The following COPZ1 variants were observed in gnomAD, a reference collection of about 807,000 sequenced individuals.
COPZ1 encodes coatomer subunit zeta-1.
In COPZ1, 4 loss-of-function variants were observed where a neutral mutation model predicts 31.7. The observed-to-expected ratio is 0.13, with a 90% CI of 0.06 to 0.29. COPZ1 has a LOEUF of 0.29. COPZ1 is among the 10% of genes least tolerant of loss of function. The pLI is 1.00. For synonymous variants in COPZ1, 74 were observed against 79.0 expected (o/e 0.94, Z 0.33); for missense variants, 156 against 211.5 (o/e 0.74, Z 1.63).
intron 3 of COPZ1, among the ~76,000 whole-genome samples, chr12:54,343,023 A>G (rs1398315870): frequency 6.6e-6 from 1 of 151,626 alleles, no homozygotes; most frequent in African/African-American, 2.4e-5. Flanking sequence ...CGCCCGGCTA[A>G]TTTTTGTATT....
At chr12:54,338,496 TTA>T (rs1261692319) in intron 1 of COPZ1, among the ~76,000 whole-genome samples, 2 of 152,190 alleles carry the variant, frequency 1.3e-5, no homozygotes, top group Non-Finnish European at 2.9e-5. Flanking sequence ...TTCCAGAGTG[TTA>T]TATATACAGG....
At chr12:54,329,477 G>T (rs966137868) in intron 1 of COPZ1, among the ~76,000 whole-genome samples, 1 of 152,026 alleles carries the variant, frequency 6.6e-6, no homozygotes, top group African/African-American at 2.4e-5. Context: ...CCAGCTACAC[G>T]GGAGACTGAG....
chr12:54,339,965 A>G (rs1232545041), intron 1 of COPZ1, among the ~76,000 whole-genome samples: 1 of 141,850 alleles, frequency 7.0e-6, no homozygotes, highest in Non-Finnish European at 1.5e-5. Context: ...TGCATTGAGA[A>G]CTGGTGTGCC....
At chr12:54,328,137 G>C (rs933628898) in intron 1 of COPZ1, among the ~76,000 whole-genome samples, 1 of 151,676 alleles carries the variant, frequency 6.6e-6, no homozygotes, top group Non-Finnish European at 1.5e-5. Flanking sequence ...ATAGCTGGGC[G>C]TGGTGGCACG....
intron 1 of COPZ1, chr12:54,337,070 T>A (rs1047802369): frequency 2.8e-5 from 11 of 399,690 alleles, no homozygotes; most frequent in African/African-American, 2.5e-4. Context: ...AAAGATTCAT[T>A]TGCAGCAGCC....
intron 1 of COPZ1, among the ~76,000 whole-genome samples, chr12:54,326,678 T>TGTAG (rs1555152206): frequency 2.8e-5 from 4 of 140,606 alleles, no homozygotes; most frequent in African/African-American, 5.2e-5. Context: ...TGTGTGTGTG[T>TGTAG]GTAGGTAGGT....
intron 1 of COPZ1, among the ~76,000 whole-genome samples, chr12:54,330,190 T>G (rs1198249521): frequency 6.6e-6 from 1 of 152,068 alleles, no homozygotes; most frequent in Non-Finnish European, 1.5e-5. Context: ...CTGGCAGCAA[T>G]AAAAATTTTT....
chr12:54,326,003 T>C (rs941385265), intron 1 of COPZ1, among the ~76,000 whole-genome samples: 1 of 150,598 alleles, frequency 6.6e-6, no homozygotes, highest in Admixed American at 6.6e-5. Flanking sequence ...GTATTTTTAG[T>C]AGAGACGTGG....
intron 1 of COPZ1, among the ~76,000 whole-genome samples, chr12:54,333,238 G>A (rs956961675): frequency 2.0e-5 from 3 of 151,946 alleles, no homozygotes; most frequent in African/African-American, 7.3e-5. Context: ...TAGAGACAGG[G>A]TTTCGCCATG....
At chr12:54,343,363 A>G (rs1565595375) in intron 4 of COPZ1, 47 bp downstream of exon 4, 3 of 1,508,512 alleles carry the variant, frequency 2.0e-6, no homozygotes, top group Non-Finnish European at 2.8e-6. Flanking sequence ...TACTTTCTAA[A>G]CCACAGGCAG....
At chr12:54,325,639 GA>G (rs1205515158) in intron 1 of COPZ1, 1 of 161,506 alleles carries the variant, frequency 6.2e-6, no homozygotes, top group East Asian at 1.9e-4. Context: ...ATTCCTTCAG[GA>G]AACTGTTTTG....
chr12:54,336,970 G>C (rs56818309), intron 1 of COPZ1, among the ~76,000 whole-genome samples: 18,961 of 147,240 alleles, frequency 0.13, 1,411 homozygotes, highest in East Asian at 0.23. Context: ...TGTAGTGAGC[G>C]GAGTTTGCTC....
At chr12:54,339,036 AG>A (rs1156868615) in intron 1 of COPZ1, among the ~76,000 whole-genome samples, 6 of 152,230 alleles carry the variant, frequency 3.9e-5, no homozygotes, top group African/African-American at 1.2e-4. Flanking sequence ...GGCTCCTGTG[AG>A]GACTGTGGGT....
intron 1 of COPZ1, among the ~76,000 whole-genome samples, chr12:54,338,359 G>T (rs946571373): frequency 6.6e-6 from 1 of 152,216 alleles, no homozygotes. Flanking sequence ...AGATCTTTCT[G>T]TGAGGAATTA....
Position 54,342,224 on chromosome 12 carries a change from C to T in COPZ1, c.106C>T (p.Pro36Ser), listed in dbSNP as rs766778086. ...LFAKYYDDTY[P>S]SVKEQKAFEK... ...TGACCAGTACTATGACGACACCTACCCCAGTGTCAAGGAGCAAAAGGCCTT... is the reference window on the plus strand; with the variant it reads ...TGACCAGTACTATGACGACACCTACTCCAGTGTCAAGGAGCAAAAGGCCTT... The change falls in exon 3 of 9, where the codon CCC (proline) becomes TCC (serine). Residue 36 changes from proline to serine, a missense_variant. Pro to Ser is a moderately conservative substitution (Grantham distance 74). Coordinates refer to ENST00000262061, the MANE Select transcript of COPZ1 (RefSeq NM_016057.3). 5 of 1,613,352 alleles carry T rather than the reference C, an allele frequency of 3.1e-6. No homozygotes were observed. In the African/African-American group the frequency reaches 5.3e-5, roughly 17 times the overall value.
chr12:54,327,056 C>T (rs1281026511), intron 1 of COPZ1, among the ~76,000 whole-genome samples: 4 of 133,496 alleles, frequency 3.0e-5, no homozygotes, highest in Admixed American at 8.4e-5. Flanking sequence ...TCTTGGCTCA[C>T]TGCAACCTCC....
chr12:54,326,414 A>T (rs113501074), intron 1 of COPZ1, among the ~76,000 whole-genome samples: 10 of 149,014 alleles, frequency 6.7e-5, no homozygotes, highest in African/African-American at 2.2e-4. Context: ...TGCTGGGATT[A>T]CAGGCGTGAG....
chr12:54,337,668 G>T (rs1157380349), intron 1 of COPZ1, among the ~76,000 whole-genome samples: 1 of 152,242 alleles, frequency 6.6e-6, no homozygotes, highest in African/African-American at 2.4e-5. Context: ...GGCTCCAGCT[G>T]TAGCAGAATG....
intron 4 of COPZ1, 34 bp downstream of exon 4, chr12:54,343,350 T>C: frequency 6.4e-7 from 1 of 1,561,570 alleles, no homozygotes; most frequent in Non-Finnish European, 8.8e-7. Flanking sequence ...CTATTTCTGA[T>C]CCTACTTTCT....
Sources: gnomAD v4.1 joint callset for allele counts (sites outside exome capture counted in the v4.1 genomes callset) on GRCh38, gnomAD v4.1.1 for gene constraint, MANE v1.5 for transcripts, NCBI Gene and HGNC (gene_info 2026-07-23, HGNC 2026-07-21) for gene names.